HDAC9: variants seen among roughly 807,000 people sequenced by gnomAD.
HDAC9 encodes the protein MEF-2 interacting transcription repressor (MITR) protein.
HDAC9 carries 41 observed loss-of-function variants against 139.4 expected under a neutral mutation model. That is an observed-to-expected ratio of 0.29 (90% CI 0.23 to 0.38). The LOEUF is 0.38. Ranked by LOEUF, HDAC9 falls within the 10% of genes least tolerant of loss-of-function variation. The pLI is 1.00. For missense variants in HDAC9, 1,147 were observed against 1,297.0 expected, an observed-to-expected ratio of 0.88 and a Z score of 1.78; for synonymous variants, 517 against 476.2, an observed-to-expected ratio of 1.09 and a Z score of -1.12.
intron 1 of HDAC9, among the ~76,000 whole-genome samples, chr7:18,132,857 A>G (rs776185545): frequency 6.6e-6 from 1 of 150,944 alleles, no homozygotes; most frequent in Non-Finnish European, 1.5e-5. Context: ...CAGAATCCCA[A>G]TGTGCCCTGC....
intron 22 of HDAC9, among the ~76,000 whole-genome samples, chr7:18,931,048 T>A (rs1201128615): frequency 1.3e-5 from 2 of 152,206 alleles, no homozygotes; most frequent in Non-Finnish European, 2.9e-5. Flanking sequence ...CTGGCTTGAT[T>A]TATTATATCT....
intron 2 of HDAC9, among the ~76,000 whole-genome samples, chr7:18,522,423 C>T (rs920952898): frequency 3.3e-5 from 5 of 152,086 alleles, no homozygotes; most frequent in African/African-American, 1.2e-4. Context: ...TAAGAGTGCA[C>T]CCCTAGCTGT....
intron 1 of HDAC9, among the ~76,000 whole-genome samples, chr7:18,149,707 C>G (rs535412324): frequency 6.6e-6 from 1 of 151,586 alleles, no homozygotes; most frequent in East Asian, 1.9e-4. Context: ...CCCACCACCA[C>G]GCCCAACTAA....
chr7:18,425,394 A>G (rs1479438296), intron 1 of HDAC9, among the ~76,000 whole-genome samples: 1 of 152,208 alleles, frequency 6.6e-6, no homozygotes, highest in Non-Finnish European at 1.5e-5. Flanking sequence ...GAAAGAGAAA[A>G]ATGCAGAGCT....
intron 2 of HDAC9, among the ~76,000 whole-genome samples, chr7:18,576,586 C>T (rs566428648): frequency 2.1e-4 from 32 of 150,688 alleles, no homozygotes; most frequent in Middle Eastern, 6.9e-3. Flanking sequence ...GACTTAAACC[C>T]GGCAGGCAGA....
intron 2 of HDAC9, among the ~76,000 whole-genome samples, chr7:18,192,764 G>T (rs1790444040): frequency 6.6e-6 from 1 of 152,176 alleles, no homozygotes; most frequent in African/African-American, 2.4e-5. Context: ...AATACAACAT[G>T]CCAGAATGCA....
At chr7:18,728,843 C>A (rs1333381705) in intron 13 of HDAC9, among the ~76,000 whole-genome samples, 2 of 152,162 alleles carry the variant, frequency 1.3e-5, no homozygotes, top group Non-Finnish European at 2.9e-5. Context: ...TGGTAGGCAT[C>A]TTTAATAAGT....
intron 1 of HDAC9, among the ~76,000 whole-genome samples, chr7:18,316,816 CAAAAATA>C (rs1417062076): frequency 6.6e-6 from 1 of 151,058 alleles, no homozygotes; most frequent in African/African-American, 2.4e-5. Flanking sequence ...GCCTCTGTCT[CAAAAATA>C]AAAAATAAGA....
At chr7:18,146,474 A>G (rs968683126) in intron 1 of HDAC9, among the ~76,000 whole-genome samples, 17 of 152,112 alleles carry the variant, frequency 1.1e-4, no homozygotes, top group African/African-American at 3.6e-4. Context: ...TTATGCTTTT[A>G]TGTTGTGGTT....
At chr7:18,260,886 A>G (rs1277106769) in intron 2 of HDAC9, among the ~76,000 whole-genome samples, 1 of 152,218 alleles carries the variant, frequency 6.6e-6, no homozygotes, top group Non-Finnish European at 1.5e-5. Context: ...CTCTTACTTT[A>G]GAAGTCATAA....
chr7:18,188,079 T>C (rs548973850), intron 2 of HDAC9, among the ~76,000 whole-genome samples: 3 of 152,250 alleles, frequency 2.0e-5, no homozygotes, highest in African/African-American at 7.2e-5. Flanking sequence ...GGAGGCATCA[T>C]GCTACCTGAT....
At chr7:18,214,944 T>A (rs965666247) in intron 2 of HDAC9, among the ~76,000 whole-genome samples, 1 of 152,158 alleles carries the variant, frequency 6.6e-6, no homozygotes, top group African/African-American at 2.4e-5. Flanking sequence ...TATTTTCATT[T>A]GCAGCTATAA....
intron 22 of HDAC9, among the ~76,000 whole-genome samples, chr7:18,906,145 AT>A (rs1228870920): frequency 2.4e-5 from 3 of 123,210 alleles, no homozygotes; most frequent in African/African-American, 9.2e-5. Flanking sequence ...TTTTAACGTT[AT>A]TTTTTTTCTT....
chr7:18,238,032 C>A (rs1170790139), intron 2 of HDAC9, among the ~76,000 whole-genome samples: 1 of 152,150 alleles, frequency 6.6e-6, no homozygotes, highest in Non-Finnish European at 1.5e-5. Flanking sequence ...TCCTTCCATG[C>A]TATTTTAGCA....
chr7:18,391,548 T>G (rs1786490337), intron 1 of HDAC9, among the ~76,000 whole-genome samples: 1 of 152,198 alleles, frequency 6.6e-6, no homozygotes, highest in African/African-American at 2.4e-5. Flanking sequence ...CCTTCACCAA[T>G]TGGCCAGCAA....
At position 18,990,628 on chromosome 7, in the gene HDAC9, C is replaced by T. The variant is rs543889666; in HGVS notation, c.3171-5395C>T. 1.9e-3 allele frequency among the ~76,000 whole-genome samples: 287 copies of T among 152,360 alleles called. 2 individuals are homozygous for T. The highest frequency in any genetic ancestry group is 3.4e-3 in the Middle Eastern group (1 of 294). ...TTACCTAAGCAAGGCTGGGCAATGG[C>T]GGGCGCCCCTCCCCCAGCCTGGCTG... On this transcript the variant is annotated intron_variant, in intron 25 of 25. Transcript: ENST00000686413.
rs1793315123 is a variant in HDAC9, at chr7:18,229,609, C to T, written c.25+67260C>T. Among the ~76,000 whole-genome samples the T allele has an allele frequency of 3.3e-5, 5 of 152,226 alleles. No homozygotes were observed. The South Asian group carries it at 1.0e-3, about 32-fold the overall frequency. ...GGCAAAGATGTCTTTCAACTATGCACAAAAATTGGTAAAGAACTGGCTAGG... is the reference window on the plus strand; with the variant it reads ...GGCAAAGATGTCTTTCAACTATGCATAAAAATTGGTAAAGAACTGGCTAGG... On this transcript the variant is annotated intron_variant, in intron 2 of 12. Coordinates refer to the HDAC9 transcript ENST00000417496.
chr7:18,666,993 G>T (rs575540638), intron 12 of HDAC9: 1 of 985,170 alleles, frequency 1.0e-6, no homozygotes, highest in East Asian at 1.1e-4. Context: ...AAGGTAGTCT[G>T]CCCCTTCCTT....
At chr7:18,677,718 A>G (rs1176909184) in intron 12 of HDAC9, among the ~76,000 whole-genome samples, 2 of 151,846 alleles carry the variant, frequency 1.3e-5, no homozygotes, top group Non-Finnish European at 2.9e-5. Context: ...ATGTCTTTTT[A>G]TTGTTGGTTA....
Sources: gnomAD v4.1 joint callset for allele counts (sites outside exome capture counted in the v4.1 genomes callset) on GRCh38, gnomAD v4.1.1 for gene constraint, MANE v1.5 for transcripts, NCBI Gene and HGNC (gene_info 2026-07-23, HGNC 2026-07-21) for gene names.